The following RIMS2 variants were observed in gnomAD, a reference collection of about 807,000 sequenced individuals.
The protein encoded by RIMS2 is regulating synaptic membrane exocytosis protein 2.
RIMS2 carries 59 observed loss-of-function variants against 174.4 expected under a neutral mutation model. That is an observed-to-expected ratio of 0.34 (90% CI 0.27 to 0.42). The LOEUF is 0.42. RIMS2 is among the 10% of genes least tolerant of loss of function. The pLI, the probability that RIMS2 is intolerant of heterozygous loss-of-function variation, is 1.00. For missense variants in RIMS2, 1,620 were observed against 1,666.3 expected (o/e 0.97, Z 0.48); for synonymous variants, 606 against 572.5 (o/e 1.06, Z -0.84).
rs2098201495 is a variant in RIMS2 at position 103,768,198 on chromosome 8, A to T, written c.698+1661A>T. On this transcript the variant is annotated intron_variant, in intron 3 of 23. Coordinates refer to ENST00000504942, the Ensembl canonical transcript of RIMS2. ...GATAACCAGTGGAGATAGAATTTTT[A>T]AAAAATGAGTGAATGAATGACTAAG... 11 of 382,546 alleles carry T rather than the reference A, an allele frequency of 2.9e-5. 1 individual carries two copies. The highest frequency in any genetic ancestry group is 1.8e-4 in the South Asian group (7 of 38,836). 23.7% of individuals were successfully genotyped at this position (382,546 alleles called of 1,614,324 possible). A position where few individuals can be genotyped will look rare whatever the true frequency, so the allele number is the denominator to read the frequency against.
intron 1 of RIMS2, among the ~76,000 whole-genome samples, chr8:103,684,904 A>G (rs773371989): frequency 1.1e-4 from 16 of 152,072 alleles, no homozygotes; most frequent in Non-Finnish European, 1.9e-4. Context: ...TTTATATCCT[A>G]TTAAAGAAAT....
At chr8:103,579,998 G>A (rs757519873) in intron 1 of RIMS2, among the ~76,000 whole-genome samples, 4 of 152,140 alleles carry the variant, frequency 2.6e-5, no homozygotes, top group Non-Finnish European at 5.9e-5. Context: ...GGGGAAATCC[G>A]CCCCCGTGAT....
intron 3 of RIMS2, among the ~76,000 whole-genome samples, chr8:103,771,670 C>A (rs1298335122): frequency 6.6e-6 from 1 of 151,980 alleles, no homozygotes; most frequent in African/African-American, 2.4e-5. Flanking sequence ...CAGTCTAAAT[C>A]CTGAGAAGAC....
intron 19 of RIMS2, among the ~76,000 whole-genome samples, chr8:104,151,049 A>G (rs2098685961): frequency 6.6e-6 from 1 of 152,218 alleles, no homozygotes; most frequent in African/African-American, 2.4e-5. Context: ...GAGAAGTATG[A>G]TAATTCAGAC....
chr8:103,959,556 GC>G (rs1306085512), intron 14 of RIMS2, among the ~76,000 whole-genome samples: 1 of 151,568 alleles, frequency 6.6e-6, no homozygotes, highest in Admixed American at 6.6e-5. Context: ...GGTGCATGCC[GC>G]CATGCCTGAC....
rs80299560 is a variant in RIMS2, at chr8:104,170,597, G to T, written c.3335-74319G>T. ...AAAGATAGCAAGTATTTGGTTGGTG[G>T]TTTTTTATCCATTCTACCATTCTGT... is the stretch of plus-strand genomic sequence containing the variant. On this transcript the variant is annotated intron_variant, in intron 19 of 23. Transcript: ENST00000504942. Among the ~76,000 whole-genome samples the T allele has an allele frequency of 1.4e-3, 207 of 152,072 alleles. 1 individual carries two copies. Among genetic ancestry groups the T allele is most frequent in the African/African-American group, 4.7e-3 (197 of 41,526 alleles).
chr8:103,732,721 C>G (rs79380676), intron 2 of RIMS2, among the ~76,000 whole-genome samples: 18,905 of 152,188 alleles, frequency 0.12, 1,281 homozygotes, highest in Middle Eastern at 0.22. Context: ...TCATCACCAC[C>G]ACCGCGGACC....
At chr8:103,622,029 T>A (rs960801936) in intron 1 of RIMS2, among the ~76,000 whole-genome samples, 1 of 152,162 alleles carries the variant, frequency 6.6e-6, no homozygotes, top group Non-Finnish European at 1.5e-5. Flanking sequence ...TGCCATAGTA[T>A]CATTTTTTAA....
At chr8:104,251,672 A>G (rs752007020) in exon 24 of RIMS2, 4 of 1,610,350 alleles carry the variant, frequency 2.5e-6, no homozygotes, top group East Asian at 2.2e-5. Flanking sequence ...ATACTTTTAG[A>G]TGAACTAGAG....
chr8:104,148,615 C>T (rs778761419), intron 19 of RIMS2: 2 of 1,597,536 alleles, frequency 1.3e-6, no homozygotes, highest in African/African-American at 1.3e-5. Context: ...AGTGTCTTTA[C>T]ATCCAAAATG....
At position 103,719,271 on chromosome 8, in the gene RIMS2, G is replaced by A. The variant is rs372558537; in HGVS notation, c.387+21975G>A. Reference sequence around the variant, plus strand: ...AATGTAATCAGATACTTTTCCCAATGTGAGAAAAATATTCCCTTCCCAAAT... The same window carrying A: ...AATGTAATCAGATACTTTTCCCAATATGAGAAAAATATTCCCTTCCCAAAT... On this transcript the variant is annotated intron_variant, in intron 2 of 23. Transcript: ENST00000504942. Among the ~76,000 whole-genome samples the A allele has an allele frequency of 1.1e-4, 16 of 152,298 alleles. No individual in the cohort carries two copies. The East Asian group carries it at 2.9e-3, about 28-fold the overall frequency.
chr8:103,558,623 A>G (rs1366763675), intron 1 of RIMS2, among the ~76,000 whole-genome samples: 2 of 151,950 alleles, frequency 1.3e-5, no homozygotes, highest in East Asian at 3.9e-4. Context: ...AATTCTTGGG[A>G]TAAGATAGTT....
intron 16 of RIMS2, among the ~76,000 whole-genome samples, chr8:103,988,034 T>C (rs1168155561): frequency 6.6e-6 from 1 of 152,218 alleles, no homozygotes; most frequent in East Asian, 1.9e-4. Context: ...ATCAAAAGTT[T>C]GTGTGCAATT....
intron 19 of RIMS2, among the ~76,000 whole-genome samples, chr8:104,060,622 T>A (rs1399848366): frequency 1.3e-5 from 2 of 152,122 alleles, no homozygotes; most frequent in Non-Finnish European, 1.5e-5. Context: ...CTTTTGAATG[T>A]GTTTGCTCTT....
At chr8:103,672,300 T>C (rs185826030) in intron 1 of RIMS2, among the ~76,000 whole-genome samples, 37 of 152,234 alleles carry the variant, frequency 2.4e-4, no homozygotes, top group African/African-American at 7.2e-4. Context: ...CAAAGTAAAA[T>C]ACCAAATGTT....
At chr8:104,037,127 A>C (rs1422225599) in intron 19 of RIMS2, among the ~76,000 whole-genome samples, 1 of 152,154 alleles carries the variant, frequency 6.6e-6, no homozygotes, top group Non-Finnish European at 1.5e-5. Context: ...GAGATGTTCT[A>C]GTTTGTCATC....
chr8:103,579,446 A>G (rs2093470967), intron 1 of RIMS2, among the ~76,000 whole-genome samples: 2 of 152,234 alleles, frequency 1.3e-5, no homozygotes, highest in Non-Finnish European at 2.9e-5. Context: ...TGTGCAGTCC[A>G]TTCATAACTT....
At chr8:103,715,486 T>G (rs1035598908) in intron 2 of RIMS2, among the ~76,000 whole-genome samples, 2 of 152,192 alleles carry the variant, frequency 1.3e-5, no homozygotes, top group Non-Finnish European at 1.5e-5. Context: ...TCACCCATAT[T>G]TCAAAGAAAC....
At chr8:104,183,560 TGG>T (rs140844821) in intron 19 of RIMS2, among the ~76,000 whole-genome samples, 3,477 of 151,404 alleles carry the variant, frequency 0.023, 137 homozygotes, top group African/African-American at 0.077. Context: ...CAGAATACCA[TGG>T]GGGGGAAAAT....
Sources: gnomAD v4.1 joint callset for allele counts (sites outside exome capture counted in the v4.1 genomes callset) on GRCh38, gnomAD v4.1.1 for gene constraint, MANE v1.5 for transcripts, NCBI Gene and HGNC (gene_info 2026-07-23, HGNC 2026-07-21) for gene names.